The following AGPAT5 variants were observed in gnomAD, a reference collection of about 807,000 sequenced individuals.
AGPAT5 encodes 1-acyl-sn-glycerol-3-phosphate acyltransferase epsilon.
AGPAT5 carries 46 observed loss-of-function variants against 45.6 expected under a neutral mutation model. That is an observed-to-expected ratio of 1.01 (90% CI 0.80 to 1.29). The LOEUF is 1.29. Among genes scored for constraint, AGPAT5 ranks in the 50% most tolerant of loss-of-function variants. The pLI is 0.00. For synonymous variants in AGPAT5, 272 were observed against 167.0 expected (o/e 1.63, Z -4.85); for missense variants, 673 against 450.7 (o/e 1.49, Z -4.47).
chr8:6,760,231 A>C lies in AGPAT5; in HGVS notation c.*2843A>C, dbSNP rs1054744911. On this transcript the variant is annotated 3_prime_UTR_variant, in exon 8 of 8. Coordinates refer to ENST00000285518, the MANE Select transcript of AGPAT5 (RefSeq NM_018361.5). ...ACATATCGAGAACCTGTCTACAAAA[A>C]AATTAAAAAAAATTAGCCAGGCATG... Among the ~76,000 whole-genome samples the C allele has an allele frequency of 1.3e-5, 2 of 152,106 alleles. No homozygotes were observed. Among genetic ancestry groups the C allele is most frequent in the Non-Finnish European group, 2.9e-5 (2 of 68,030 alleles).
At chr8:6,751,664 A>C (rs751631977) in intron 6 of AGPAT5, among the ~76,000 whole-genome samples, 4 of 152,142 alleles carry the variant, frequency 2.6e-5, no homozygotes, top group Non-Finnish European at 4.4e-5. Flanking sequence ...GTAATCATGG[A>C]AGATGTCATT....
intron 2 of AGPAT5, among the ~76,000 whole-genome samples, chr8:6,727,124 A>G (rs1800714530): frequency 6.6e-6 from 1 of 152,222 alleles, no homozygotes; most frequent in Non-Finnish European, 1.5e-5. Context: ...AGCGGAAAGA[A>G]TATTTCAAAG....
At chr8:6,719,874 G>T (rs1260777633) in intron 1 of AGPAT5, among the ~76,000 whole-genome samples, 1 of 152,156 alleles carries the variant, frequency 6.6e-6, no homozygotes, top group Non-Finnish European at 1.5e-5. Flanking sequence ...CAATGCAAAG[G>T]GGGATATGAT....
intron 1 of AGPAT5, among the ~76,000 whole-genome samples, chr8:6,720,926 G>T (rs1800476229): frequency 6.6e-6 from 1 of 152,184 alleles, no homozygotes; most frequent in South Asian, 2.1e-4. Flanking sequence ...AGAGAGCAGT[G>T]AGCCGTGATG....
chr8:6,733,070 A>G (rs1449212811), intron 4 of AGPAT5, among the ~76,000 whole-genome samples: 2 of 152,226 alleles, frequency 1.3e-5, no homozygotes, highest in African/African-American at 4.8e-5. Context: ...AGAAAAACCA[A>G]AAAAGGATGA....
At chr8:6,730,871 A>ATT (rs59149072) in intron 3 of AGPAT5, 45 bp downstream of exon 3, 53,481 of 926,488 alleles carry the variant, frequency 0.058, 9 homozygotes, top group South Asian at 0.065. Flanking sequence ...TAGTTTATAA[A>ATT]TTTTTTTTTT....
intron 1 of AGPAT5, among the ~76,000 whole-genome samples, chr8:6,713,961 C>G (rs181773914): frequency 2.0e-5 from 3 of 152,198 alleles, no homozygotes; most frequent in African/African-American, 7.2e-5. Context: ...TCCTAAACTC[C>G]TAATGAGTTA....
intron 4 of AGPAT5, among the ~76,000 whole-genome samples, chr8:6,735,383 TG>T (rs1287940152): frequency 4.6e-5 from 7 of 152,272 alleles, no homozygotes; most frequent in African/African-American, 1.7e-4. Flanking sequence ...CTTTGTCTTG[TG>T]AGTACACAGG....
In AGPAT5 at chr8:6,747,818, G is replaced by A. The variant is rs1051731365; in HGVS notation, c.735G>A (p.Pro245=). ...ATGGAGGGCAGCGAAGAGAGTCACC[G>A]ACCATGACGGGTAAGTGTGTTCACG... The part of the protein sequence containing the change: ...KDDGGQRRES[P]TMTEFLCKEC... The change falls in exon 6 of 8, where the codon CCG becomes CCA. Residue 245 remains proline, a synonymous_variant. Transcript: ENST00000285518. 2.5e-5 allele frequency: 40 copies of A among 1,613,858 alleles called. No individual in the cohort carries two copies. Among genetic ancestry groups the A allele is most frequent in the African/African-American group, 4.0e-5 (3 of 74,938 alleles).
intron 6 of AGPAT5, among the ~76,000 whole-genome samples, chr8:6,754,195 C>T (rs1053731651): frequency 1.3e-5 from 2 of 152,180 alleles, no homozygotes; most frequent in Non-Finnish European, 2.9e-5. Context: ...AGTTTCTAGT[C>T]TCCGTTCTTT....
At chr8:6,742,741 T>C (rs1002745557) in intron 5 of AGPAT5, among the ~76,000 whole-genome samples, 11 of 152,234 alleles carry the variant, frequency 7.2e-5, no homozygotes, top group African/African-American at 2.7e-4. Context: ...AGAGCAGATA[T>C]GTCATAGGTA....
chr8:6,709,191 A>G, intron 1 of AGPAT5: 1 of 445,932 alleles, frequency 2.2e-6, no homozygotes, highest in Non-Finnish European at 4.2e-6. Flanking sequence ...TTTAAATAAT[A>G]GGGCACGCGT....
At chr8:6,737,737 T>C (rs1801101548) in intron 4 of AGPAT5, among the ~76,000 whole-genome samples, 1 of 152,250 alleles carries the variant, frequency 6.6e-6, no homozygotes, top group Admixed American at 6.5e-5. Flanking sequence ...AGATTCAGGT[T>C]TAAATCCCAG....
intron 1 of AGPAT5, among the ~76,000 whole-genome samples, chr8:6,712,981 C>T (rs933827931): frequency 1.3e-5 from 2 of 152,102 alleles, no homozygotes; most frequent in African/African-American, 4.8e-5. Flanking sequence ...AATTAATCAA[C>T]ACGTAATAGA....
intron 1 of AGPAT5, chr8:6,709,541 C>T (rs1198216930): frequency 6.9e-6 from 1 of 145,898 alleles, no homozygotes; most frequent in Non-Finnish European, 1.5e-5. Flanking sequence ...CCCTCTTTAA[C>T]AGTAGGTATT....
chr8:6,722,451 T>G (rs1800535107), intron 1 of AGPAT5, among the ~76,000 whole-genome samples: 2 of 152,192 alleles, frequency 1.3e-5, no homozygotes, highest in African/African-American at 2.4e-5. Flanking sequence ...CAAATGGACA[T>G]GATTGAGATA....
At chr8:6,735,523 TA>T (rs1201955974) in intron 4 of AGPAT5, among the ~76,000 whole-genome samples, 4 of 152,254 alleles carry the variant, frequency 2.6e-5, no homozygotes, top group African/African-American at 4.8e-5. Flanking sequence ...AAATTCTTTT[TA>T]CTGGTATCTG....
intron 2 of AGPAT5, among the ~76,000 whole-genome samples, chr8:6,730,028 A>G (rs189982498): frequency 2.0e-5 from 3 of 151,930 alleles, no homozygotes; most frequent in African/African-American, 4.8e-5. Context: ...ATATATACAC[A>G]CTGAATATTT....
Position 6,719,557 on chromosome 8 carries a change from C to G in AGPAT5, c.220-5313C>G, listed in dbSNP as rs542914664. ...CATTTGGTAGATTATGTGGTTCACA[C>G]TTCTTCCAAATATTTGCAAATCAGA... On this transcript the variant is annotated intron_variant, in intron 1 of 7. Coordinates refer to ENST00000285518, the MANE Select transcript of AGPAT5 (RefSeq NM_018361.5). Among the ~76,000 whole-genome samples, 136 of 152,314 alleles carry G rather than the reference C, an allele frequency of 8.9e-4. 1 individual carries two copies. Among genetic ancestry groups the G allele is most frequent in the African/African-American group, 3.2e-3 (131 of 41,566 alleles).
Sources: allele counts gnomAD v4.1 joint callset (sites outside exome capture counted in the v4.1 genomes callset), GRCh38; gene constraint gnomAD v4.1.1; transcripts MANE v1.5; gene names NCBI Gene and HGNC (gene_info 2026-07-23, HGNC 2026-07-21).